The following DESI2 variants were observed in gnomAD, a reference collection of about 807,000 sequenced individuals.
DESI2 encodes the protein desumoylating isopeptidase 2, also known as deubiquitinase DESI2.
In DESI2, 10 loss-of-function variants were observed where a neutral mutation model predicts 24.1. That is an observed-to-expected ratio of 0.41 (90% confidence interval 0.26 to 0.70). The LOEUF (loss-of-function observed/expected upper bound fraction) is 0.70, where lower values mean the gene tolerates loss of function less well. DESI2 is among the 30% of genes least tolerant of loss of function. The probability of loss-of-function intolerance (pLI) is 0.29; values close to 1 mark genes in which losing one functional copy is unlikely to be tolerated. For missense variants in DESI2, 122 were observed against 234.9 expected (o/e 0.52, Z 3.14); for synonymous variants, 71 against 87.7 (o/e 0.81, Z 1.06).
intron 1 of DESI2, among the ~76,000 whole-genome samples, chr1:244,661,678 T>C (rs918537019): frequency 1.6e-4 from 25 of 152,180 alleles, no homozygotes; most frequent in Non-Finnish European, 3.1e-4. Flanking sequence ...TTTGTCCTTG[T>C]GATAGTTTGC....
rs1026583861 is a variant in DESI2, at chr1:244,653,135, T to C, written c.-179T>C. On this transcript the variant is annotated 5_prime_UTR_variant, in exon 1 of 5. Coordinates refer to ENST00000302550, the MANE Select transcript of DESI2 (RefSeq NM_016076.5). ...CCGGCCCCGTCCGCACAGACGCTCC[T>C]GTCGGCGGCGCCCGGGAGCGGCTCG... The C allele has an allele frequency of 7.2e-5, 36 of 498,200 alleles. No individual in the cohort carries two copies. The highest frequency in any genetic ancestry group is 5.6e-4 in the Middle Eastern group (1 of 1,792). 30.9% of individuals were successfully genotyped at this position (498,200 alleles called of 1,614,324 possible). A position where few individuals can be genotyped will look rare whatever the true frequency, so the allele number is the denominator to read the frequency against.
At position 244,677,656 on chromosome 1, in the gene DESI2, T is replaced by G. The variant is rs1295060702; in HGVS notation, c.43-8941T>G. On this transcript the variant is annotated intron_variant, in intron 1 of 4. Transcript: ENST00000302550. ...CACAGTACTGGGCATGGCTCACACC[T>G]GTAATCCCAGCACTTGTGGAGGCCA... 2.0e-5 allele frequency among the ~76,000 whole-genome samples: 3 copies of G among 152,174 alleles called. No individual in the cohort carries two copies. In the East Asian group the frequency reaches 5.8e-4, roughly 29 times the overall value.
Position 244,689,677 on chromosome 1 carries a change from T to G in DESI2, c.209+335T>G, listed in dbSNP as rs1676953157. 6.6e-6 allele frequency among the ~76,000 whole-genome samples: 1 copy of G among 151,996 alleles called. No individual in the cohort carries two copies. ...GGCGTGCACCACGACGTCCGGCTAATTTTTGTATTTTTAGTAGAGATGGAG... is the reference window on the plus strand; with the variant it reads ...GGCGTGCACCACGACGTCCGGCTAAGTTTTGTATTTTTAGTAGAGATGGAG... On this transcript the variant is annotated intron_variant, in intron 3 of 4. Transcript: ENST00000302550. This position sits in a 1 kb window ranked among gnomAD's most constrained non-coding sequence, Gnocchi z 4.0.
At chr1:244,669,961 T>A (rs1268417261) in intron 1 of DESI2, among the ~76,000 whole-genome samples, 2 of 69,716 alleles carry the variant, frequency 2.9e-5, no homozygotes. Context: ...TATAAATAAT[T>A]CTTTTTTTTT....
chr1:244,670,289 T>C (rs1676203600), intron 1 of DESI2, among the ~76,000 whole-genome samples: 1 of 152,214 alleles, frequency 6.6e-6, no homozygotes, highest in Non-Finnish European at 1.5e-5. Flanking sequence ...AGTCTTTAAA[T>C]AGAATCAAAT....
intron 1 of DESI2, among the ~76,000 whole-genome samples, chr1:244,657,802 G>A (rs1244231856): frequency 6.6e-6 from 1 of 152,220 alleles, no homozygotes; most frequent in Non-Finnish European, 1.5e-5. Flanking sequence ...GAAGATGGAA[G>A]AAGATAGGGT....
At chr1:244,692,271 C>T (rs983075360) in intron 4 of DESI2, among the ~76,000 whole-genome samples, 3 of 152,068 alleles carry the variant, frequency 2.0e-5, no homozygotes, top group African/African-American at 7.2e-5. Context: ...ATGGTCCCTT[C>T]TTACTCTATT....
chr1:244,655,926 A>T lies in DESI2; in HGVS notation c.42+2571A>T, dbSNP rs191951164. Among the ~76,000 whole-genome samples, 19 of 152,350 alleles carry T rather than the reference A, an allele frequency of 1.2e-4. No individual in the cohort carries two copies. The East Asian group carries it at 3.7e-3, about 29-fold the overall frequency. ...CTGAGGGGGCTCCTTGAGCCAGCAG[A>T]ACCATTTAAGGTTTTCATGGAGGGG... is the stretch of plus-strand genomic sequence containing the variant. On this transcript the variant is annotated intron_variant, in intron 1 of 4. Coordinates refer to ENST00000302550, the MANE Select transcript of DESI2 (RefSeq NM_016076.5).
chr1:244,698,244 T>C (rs879867027), intron 4 of DESI2, among the ~76,000 whole-genome samples: 1 of 152,220 alleles, frequency 6.6e-6, no homozygotes, highest in Non-Finnish European at 1.5e-5. Flanking sequence ...TGCTGTAGGA[T>C]AGACGGAAAT....
At chr1:244,684,379 G>T (rs77377692) in intron 1 of DESI2, among the ~76,000 whole-genome samples, 138 of 152,094 alleles carry the variant, frequency 9.1e-4, no homozygotes, top group Middle Eastern at 3.4e-3. Flanking sequence ...TACTCCTCTC[G>T]GCCAAATTGT....
In DESI2 at chr1:244,689,964, G is replaced by A. The variant is rs563815347; in HGVS notation, c.209+622G>A. Reference sequence around the variant, plus strand: ...TGAAATAATTAAACAGTTGATTAGCGTAGAATCCATTGTTAAGGTACATGT... The same window carrying A: ...TGAAATAATTAAACAGTTGATTAGCATAGAATCCATTGTTAAGGTACATGT... On this transcript the variant is annotated intron_variant, in intron 3 of 4. Coordinates refer to ENST00000302550, the MANE Select transcript of DESI2 (RefSeq NM_016076.5). The surrounding 1 kb of genome is among the most constrained non-coding windows in gnomAD (Gnocchi z 4.0). Among the ~76,000 whole-genome samples the A allele has an allele frequency of 8.5e-5, 13 of 152,168 alleles. No individual in the cohort carries two copies. Among genetic ancestry groups the A allele is most frequent in the Non-Finnish European group, 1.6e-4 (11 of 68,020 alleles).
chr1:244,655,403 T>A (rs1452216739), intron 1 of DESI2, among the ~76,000 whole-genome samples: 1 of 152,236 alleles, frequency 6.6e-6, no homozygotes, highest in African/African-American at 2.4e-5. Flanking sequence ...TGATAAATAG[T>A]TGAATTATTA....
intron 1 of DESI2, among the ~76,000 whole-genome samples, chr1:244,679,296 C>T (rs943420379): frequency 4.6e-5 from 7 of 152,164 alleles, no homozygotes; most frequent in Non-Finnish European, 1.0e-4. Flanking sequence ...AAGAGGATAG[C>T]AAGAAACTTA....
At chr1:244,699,327 T>C (rs777198052) in intron 4 of DESI2, among the ~76,000 whole-genome samples, 1 of 152,084 alleles carries the variant, frequency 6.6e-6, no homozygotes, top group Non-Finnish European at 1.5e-5. Context: ...CTCATGCCTG[T>C]AATCCCAACG....
At chr1:244,686,867 T>C (rs548794849) in intron 2 of DESI2, among the ~76,000 whole-genome samples, 198 bp downstream of exon 2, 55 of 152,252 alleles carry the variant, frequency 3.6e-4, no homozygotes, top group Non-Finnish European at 7.2e-4. Flanking sequence ...GAGAAAGTAC[T>C]CAAAATACAA....
At chr1:244,666,252 C>T (rs748755462) in intron 1 of DESI2, among the ~76,000 whole-genome samples, 1 of 152,166 alleles carries the variant, frequency 6.6e-6, no homozygotes, top group East Asian at 1.9e-4. Context: ...ATGTAGTCTG[C>T]GTTCTCTCTG....
chr1:244,653,290 G>T lies in DESI2; in HGVS notation c.-24G>T, dbSNP rs779532275. On this transcript the variant is annotated 5_prime_UTR_variant, in exon 1 of 5. Coordinates refer to ENST00000302550, the MANE Select transcript of DESI2 (RefSeq NM_016076.5). Reference sequence around the variant, plus strand: ...CGCGGAGACGGAGCGGCTTGAGGACGAGGCGGCGGCCGCGGGGAGGAGGAT... The same window carrying T: ...CGCGGAGACGGAGCGGCTTGAGGACTAGGCGGCGGCCGCGGGGAGGAGGAT... The T allele has an allele frequency of 7.4e-6, 11 of 1,488,292 alleles. No homozygotes were observed. In the East Asian group the frequency reaches 1.4e-4, roughly 19 times the overall value. The allele number at this position is 1,488,292 out of a possible 1,614,324, so 92.2% of individuals were successfully genotyped here.
intron 1 of DESI2, among the ~76,000 whole-genome samples, chr1:244,684,087 T>C (rs1379244719): frequency 6.6e-6 from 1 of 152,108 alleles, no homozygotes; most frequent in Admixed American, 6.6e-5. Context: ...TAAATGAACA[T>C]TTAGGCTGTT....
At chr1:244,674,772 T>C (rs1034554648) in intron 1 of DESI2, among the ~76,000 whole-genome samples, 1 of 152,244 alleles carries the variant, frequency 6.6e-6, no homozygotes, top group Non-Finnish European at 1.5e-5. Context: ...TTGATAAACA[T>C]GTAGTTGTTT....
Sources: gnomAD v4.1 joint callset for allele counts (sites outside exome capture counted in the v4.1 genomes callset) on GRCh38, gnomAD v4.1.1 for gene constraint, Gnocchi (gnomAD v3.1) non-coding constraint, MANE v1.5 for transcripts, NCBI Gene and HGNC (gene_info 2026-07-23, HGNC 2026-07-21) for gene names.